The following KIAA0232 variants were observed in gnomAD, a reference collection of about 807,000 sequenced individuals.
KIAA0232 encodes the protein uncharacterized protein KIAA0232.
A neutral mutation model predicts 122.0 loss-of-function variants in KIAA0232; 27 were observed. The ratio of observed to expected loss-of-function variants is 0.22; its 90% CI spans 0.16 to 0.31. KIAA0232 has a LOEUF of 0.31. Among genes scored for constraint, KIAA0232 ranks in the 10% least tolerant of loss-of-function variants. The pLI, the probability that KIAA0232 is intolerant of heterozygous loss-of-function variation, is 1.00. For missense variants in KIAA0232, 1,551 were observed against 1,634.2 expected, an observed-to-expected ratio of 0.95 and a Z score of 0.88; for synonymous variants, 613 against 587.6, an observed-to-expected ratio of 1.04 and a Z score of -0.63.
Position 6,859,815 on chromosome 4 carries a change from A to G in KIAA0232, c.519-1086A>G, listed in dbSNP as rs530847638. ...GTGACTTTAAATTCTGCCCTTTGCA[A>G]TCTGTTCTGCTCTGAAATCTTCAGT... On this transcript the variant is annotated intron_variant, in intron 6 of 9. Transcript: ENST00000307659. 7.0e-4 allele frequency among the ~76,000 whole-genome samples: 107 copies of G among 152,316 alleles called. 1 individual carries two copies. The South Asian group carries it at 0.011, about 15-fold the overall frequency.
rs192477165 is a variant in KIAA0232, at chr4:6,800,258, A to G, written c.-353-4265A>G. The stretch of plus-strand genomic sequence containing the variant: ...TTTTTAGTAGAGATAGGGTTTCACC[A>G]TTTTTGCCAGGCTGGTCTCGAACTC... On this transcript the variant is annotated intron_variant, in intron 1 of 9. Transcript: ENST00000307659. 2.3e-3 allele frequency among the ~76,000 whole-genome samples: 334 copies of G among 146,964 alleles called. 3 individuals carry two copies. The highest frequency in any genetic ancestry group is 7.8e-3 in the African/African-American group (315 of 40,178).
At position 6,882,627 on chromosome 4, in the gene KIAA0232, T is replaced by TGG. The variant is rs1170208508; in HGVS notation, c.*1662_*1663insGG. ...TTTTTGACACTTTAAGGTGGGTGGG[T>TGG]GTGTGTGTGTGTGTGTGTGTGCGCG... On this transcript the variant is annotated 3_prime_UTR_variant, in exon 10 of 10. Coordinates refer to ENST00000307659, the MANE Select transcript of KIAA0232 (RefSeq NM_014743.3). 2.7e-5 allele frequency: 2 copies of TGG among 73,464 alleles called. No homozygotes were observed. The highest frequency in any genetic ancestry group is 7.7e-5 in the African/African-American group (2 of 25,974). 4.6% of individuals were successfully genotyped at this position (73,464 alleles called of 1,614,324 possible).
chr4:6,860,443 A>C (rs1196245028), intron 6 of KIAA0232, among the ~76,000 whole-genome samples: 1 of 152,176 alleles, frequency 6.6e-6, no homozygotes, highest in Non-Finnish European at 1.5e-5. Context: ...GCTCACAATA[A>C]CTTTGGGAGG....
At chr4:6,830,089 CA>C (rs879666678) in intron 3 of KIAA0232, among the ~76,000 whole-genome samples, 32 of 152,196 alleles carry the variant, frequency 2.1e-4, no homozygotes, top group Non-Finnish European at 4.1e-4. Flanking sequence ...CTGGCTTAAA[CA>C]GAAGTAATAG....
chr4:6,867,287 G>A (rs1721236153), intron 7 of KIAA0232, among the ~76,000 whole-genome samples: 1 of 152,170 alleles, frequency 6.6e-6, no homozygotes, highest in African/African-American at 2.4e-5. Flanking sequence ...GGTTGAGGAA[G>A]GTTTCTTGAG....
chr4:6,806,737 CAAAAAAA>C (rs34146483), intron 2 of KIAA0232, among the ~76,000 whole-genome samples: 22 of 47,664 alleles, frequency 4.6e-4, no homozygotes, highest in African/African-American at 1.4e-3. Flanking sequence ...GACTCCCTCT[CAAAAAAA>C]AAAAAAAAAA....
At chr4:6,792,875 A>G (rs754651057) in intron 1 of KIAA0232, among the ~76,000 whole-genome samples, 27 of 151,834 alleles carry the variant, frequency 1.8e-4, no homozygotes, top group Non-Finnish European at 3.1e-4. Flanking sequence ...TATTTTTAGT[A>G]GAGACGGGGT....
chr4:6,802,835 G>C (rs1717445386), intron 1 of KIAA0232, among the ~76,000 whole-genome samples: 1 of 152,012 alleles, frequency 6.6e-6, no homozygotes, highest in South Asian at 2.1e-4. Flanking sequence ...AAAAATGACA[G>C]AAGGTTGAAA....
intron 4 of KIAA0232, among the ~76,000 whole-genome samples, chr4:6,848,078 C>G (rs1720065104): frequency 6.6e-6 from 1 of 152,118 alleles, no homozygotes; most frequent in Admixed American, 6.6e-5. Flanking sequence ...GCAGCTTACC[C>G]TGGGGAGCTG....
chr4:6,826,553 G>A (rs567142437), intron 3 of KIAA0232, among the ~76,000 whole-genome samples: 56 of 145,424 alleles, frequency 3.9e-4, no homozygotes, highest in African/African-American at 1.2e-3. Flanking sequence ...TGCCCAGGCT[G>A]GAGTGCAGTG....
chr4:6,876,859 C>T (rs774558731), intron 9 of KIAA0232, 102 bp downstream of exon 9: 20 of 767,568 alleles, frequency 2.6e-5, no homozygotes, highest in Middle Eastern at 2.3e-4. Flanking sequence ...TGGACCCCAC[C>T]TCTCCCAGGA....
chr4:6,878,379 TCATACATACATACATA>T lies in KIAA0232; in HGVS notation c.4008+1643_4008+1658del, dbSNP rs112843703. Among the ~76,000 whole-genome samples, 3 of 149,318 alleles carry T rather than the reference TCATACATACATACATA, an allele frequency of 2.0e-5. No individual in the cohort carries two copies. The South Asian group carries it at 6.4e-4, about 32-fold the overall frequency. On this transcript the variant is annotated intron_variant, in intron 9 of 9. Coordinates refer to ENST00000307659, the MANE Select transcript of KIAA0232 (RefSeq NM_014743.3). The stretch of plus-strand genomic sequence containing the variant: ...GACAGAGCAAAACTCCATCATTCAT[TCATACATACATACATA>T]CATACATACATACATACATAAATAT...
intron 7 of KIAA0232, among the ~76,000 whole-genome samples, chr4:6,865,331 G>T (rs530666800): frequency 5.8e-4 from 88 of 152,182 alleles, no homozygotes; most frequent in African/African-American, 2.0e-3. Context: ...ACAGAGTCTC[G>T]CTCTGTCGCC....
chr4:6,792,984 C>T (rs746399256), intron 1 of KIAA0232, among the ~76,000 whole-genome samples: 2 of 152,124 alleles, frequency 1.3e-5, no homozygotes, highest in Non-Finnish European at 1.5e-5. Context: ...CCGTGCTCGG[C>T]CATTCTTAGT....
intron 1 of KIAA0232, among the ~76,000 whole-genome samples, chr4:6,786,878 A>G (rs1045225584): frequency 1.3e-5 from 2 of 152,154 alleles, no homozygotes; most frequent in Non-Finnish European, 2.9e-5. Context: ...CCAGAGCACA[A>G]GGTTAAAAAT....
At chr4:6,880,741 G>A (rs1170279630) in intron 9 of KIAA0232, 46 bp from the exon 10 acceptor site, 1 of 1,364,870 alleles carries the variant, frequency 7.3e-7, no homozygotes, top group South Asian at 1.7e-5. Context: ...ACCCTTTTGG[G>A]GAAAAAAAAG....
chr4:6,840,377 C>G (rs1317559450), intron 3 of KIAA0232, among the ~76,000 whole-genome samples: 1 of 152,174 alleles, frequency 6.6e-6, no homozygotes, highest in African/African-American at 2.4e-5. Context: ...TAATCCCATG[C>G]AGACACATTG....
intron 7 of KIAA0232, among the ~76,000 whole-genome samples, chr4:6,869,125 G>A (rs1008176693): frequency 6.6e-6 from 1 of 152,092 alleles, no homozygotes; most frequent in Non-Finnish European, 1.5e-5. Context: ...ATCTAAACTC[G>A]TCTTGGTTCA....
At chr4:6,867,227 G>A (rs1372369882) in intron 7 of KIAA0232, among the ~76,000 whole-genome samples, 1 of 152,206 alleles carries the variant, frequency 6.6e-6, no homozygotes, top group African/African-American at 2.4e-5. Context: ...TGGTGGAGGG[G>A]AGCACAGAAT....
Sources: allele counts gnomAD v4.1 joint callset (sites outside exome capture counted in the v4.1 genomes callset), GRCh38; gene constraint gnomAD v4.1.1; transcripts MANE v1.5; gene names NCBI Gene and HGNC (gene_info 2026-07-23, HGNC 2026-07-21).